GPRC5C: variants seen among roughly 807,000 people sequenced by gnomAD.
GPRC5C encodes G protein-coupled receptor class C group 5 member C, also known as G protein-coupled receptor family C group 5 member C.
GPRC5C carries 22 observed loss-of-function variants against 31.4 expected under a neutral mutation model. The ratio of observed to expected loss-of-function variants is 0.70; its 90% CI spans 0.50 to 1.00. The LOEUF (loss-of-function observed/expected upper bound fraction) is 1.00, where lower values mean the gene tolerates loss of function less well. Among genes scored for constraint, GPRC5C ranks in the 50% least tolerant of loss-of-function variants. The pLI is 0.00. For synonymous variants in GPRC5C, 249 were observed against 257.5 expected, an observed-to-expected ratio of 0.97 and a Z score of 0.32; for missense variants, 557 against 597.2, an observed-to-expected ratio of 0.93 and a Z score of 0.70.
chr17:74,445,992 C>CT (rs1555633989), intron 3 of GPRC5C: 1 of 9,884 alleles, frequency 1.0e-4, no homozygotes, highest in East Asian at 0.019. Context: ...GACCCCCCCC[C>CT]CCCGCCCACC....
chr17:74,443,415 G>T, intron 2 of GPRC5C: 2 of 359,012 alleles, frequency 5.6e-6, no homozygotes, highest in South Asian at 4.4e-5. Context: ...CAGCTGGCCC[G>T]TGGTGACAGG....
chr17:74,436,036 ACT>A lies in GPRC5C; in HGVS notation c.-32-3706_-32-3705del, dbSNP rs531258855. ...TCGATTGCCTGTGCATTTTTGCCAGACTCTTTTCCTAAAAGCGCAACCCTGGC... is the reference window on the plus strand; with the variant it reads ...TCGATTGCCTGTGCATTTTTGCCAGACTTTTCCTAAAAGCGCAACCCTGGC... On this transcript the variant is annotated intron_variant, in intron 1 of 3. Coordinates refer to ENST00000392627, the MANE Select transcript of GPRC5C (RefSeq NM_022036.4). Among the ~76,000 whole-genome samples the A allele has an allele frequency of 2.3e-3, 356 of 152,084 alleles. 1 individual carries two copies. The highest frequency in any genetic ancestry group is 0.01 in the Middle Eastern group (3 of 294).
intron 1 of GPRC5C, among the ~76,000 whole-genome samples, chr17:74,434,658 C>T (rs2055405291): frequency 6.6e-6 from 1 of 152,250 alleles, no homozygotes; most frequent in Non-Finnish European, 1.5e-5. Flanking sequence ...AACGGTGGCT[C>T]ACACTTGTAA....
rs8081065 is a variant in GPRC5C, at chr17:74,438,885, A to G, written c.-32-860A>G. Among the ~76,000 whole-genome samples, 1,488 of 152,322 alleles carry G rather than the reference A, an allele frequency of 9.8e-3. 19 individuals carry two copies. Among genetic ancestry groups the G allele is most frequent in the African/African-American group, 0.033 (1,356 of 41,550 alleles). On this transcript the variant is annotated intron_variant, in intron 1 of 3. Transcript: ENST00000392627. The stretch of plus-strand genomic sequence containing the variant: ...TTCTTCTCTGGCACAGATCTGTGGC[A>G]TTTGGTAGAGCGGCAGTCAGTAGAT...
In GPRC5C at chr17:74,447,051, G is replaced by A. The variant is rs778249251; in HGVS notation, c.*23G>A. 48 of 1,598,226 alleles carry A rather than the reference G, an allele frequency of 3.0e-5. No individual in the cohort carries two copies. The highest frequency in any genetic ancestry group is 5.4e-5 in the African/African-American group (4 of 74,612). ...TGAGTCAGCGGTGGCGAGGAGAGGC[G>A]GGCGGATTTGGGGAGGGCCCTGAGG... On this transcript the variant is annotated 3_prime_UTR_variant, in exon 4 of 4. Transcript: ENST00000392627.
downstream of GPRC5C, chr17:74,451,582 C>T (rs916304009): frequency 1.3e-5 from 2 of 152,176 alleles, no homozygotes; most frequent in Non-Finnish European, 2.9e-5. Flanking sequence ...CACTGTCAAA[C>T]CGAGGACTTT....
rs1282893850 is a variant in GPRC5C, at chr17:74,440,390, C to T, written c.614C>T (p.Ala205Val). 2.0e-5 allele frequency: 32 copies of T among 1,613,968 alleles called. No individual in the cohort carries two copies. The highest frequency in any genetic ancestry group is 2.6e-5 in the Non-Finnish European group (31 of 1,179,992). ...GCCGTGGCCTCCCCCTGTGCCATCG[C>T]CAACATGGACTTTGTCATGGCACTC... The part of the protein sequence containing the change: ...GWAVASPCAI[A>V]NMDFVMALIY... The change falls in exon 2 of 4, where the codon GCC (alanine) becomes GTC (valine). Residue 205 changes from alanine to valine, a missense_variant. Transcript: ENST00000392627. The surrounding 1 kb of genome is among the most constrained non-coding windows in gnomAD (Gnocchi z 4.4).
intron 1 of GPRC5C, among the ~76,000 whole-genome samples, chr17:74,438,281 TACAGAGTCTCA>T (rs2055472414): frequency 7.2e-6 from 1 of 138,892 alleles, no homozygotes; most frequent in Non-Finnish European, 1.5e-5. Flanking sequence ...TTTGTTTTCA[TACAGAGTCTCA>T]CTCTATTGAT....
chr17:74,445,586 T>G (rs1294707077), intron 3 of GPRC5C: 1 of 152,422 alleles, frequency 6.6e-6, no homozygotes, highest in African/African-American at 2.4e-5. Context: ...GGACCACAGA[T>G]GTAGATGTTC....
chr17:74,441,402 G>A (rs74889995), intron 2 of GPRC5C, among the ~76,000 whole-genome samples: 6,860 of 152,016 alleles, frequency 0.045, 247 homozygotes, highest in South Asian at 0.12. Context: ...AGTCCTACCC[G>A]TCCCATCCTG....
chr17:74,449,023 C>T (rs965854162), downstream of GPRC5C: 21 of 584,688 alleles, frequency 3.6e-5, no homozygotes, highest in Non-Finnish European at 4.9e-5. Flanking sequence ...AGGCCGGCCC[C>T]GGGGAGCCTG....
chr17:74,440,378 CCT>C lies in GPRC5C; in HGVS notation c.603_604del (p.Ala203HisfsTer37). The C allele has an allele frequency of 6.2e-7, 1 of 1,614,106 alleles. No homozygotes were observed. The highest frequency in any genetic ancestry group is 8.5e-7 in the Non-Finnish European group (1 of 1,180,002). On this transcript the variant is annotated frameshift_variant, in exon 2 of 4. Coordinates refer to ENST00000392627, the MANE Select transcript of GPRC5C (RefSeq NM_022036.4). LOFTEE classifies it high-confidence loss of function. This position sits in a 1 kb window ranked among gnomAD's most constrained non-coding sequence, Gnocchi z 4.4. ...AGCGCAGGCTGGGCCGTGGCCTCCC[CCT>C]GTGCCATCGCCAACATGGACTTTGT...
chr17:74,438,405 C>T lies in GPRC5C; in HGVS notation c.-32-1340C>T, dbSNP rs143537476. Among the ~76,000 whole-genome samples the T allele has an allele frequency of 3.0e-3, 451 of 151,646 alleles. 3 individuals are homozygous for T. Among genetic ancestry groups the T allele is most frequent in the African/African-American group, 0.011 (434 of 41,276 alleles). On this transcript the variant is annotated intron_variant, in intron 1 of 3. Coordinates refer to ENST00000392627, the MANE Select transcript of GPRC5C (RefSeq NM_022036.4). ...CCTCCTGAATAGCTGGTATTATAGG[C>T]GTGCACCTCCACGCCCGGCTAATTT...
chr17:74,449,365 T>A (rs1439233160), downstream of GPRC5C: 3 of 1,300,484 alleles, frequency 2.3e-6, no homozygotes, highest in Non-Finnish European at 2.0e-6. Flanking sequence ...AACGAGATGG[T>A]AGAAGCCCTC....
At chr17:74,434,985 C>T (rs546036945) in intron 1 of GPRC5C, among the ~76,000 whole-genome samples, 19 of 151,870 alleles carry the variant, frequency 1.3e-4, no homozygotes, top group African/African-American at 4.6e-4. Flanking sequence ...TTTGGGAGGC[C>T]GAAGCGGGCG....
rs1185020128 is a variant in GPRC5C at position 74,446,956 on chromosome 17, C to T, written c.1254C>T (p.Ser418=). 6.2e-7 allele frequency: 1 copy of T among 1,614,068 alleles called. No homozygotes were observed. The highest frequency in any genetic ancestry group is 2.2e-5 in the East Asian group (1 of 44,898). ...LRAEDMYSAQ[S]HQAATPPKDG... is the part of the protein sequence containing the mutation. ...CTGAAGACATGTACTCGGCCCAGAG[C>T]CACCAGGCGGCCACACCGCCGAAAG... Residue 418 remains serine (S), a synonymous_variant, in exon 4 of 4, where the codon AGC becomes AGT. Coordinates refer to ENST00000392627, the MANE Select transcript of GPRC5C (RefSeq NM_022036.4).
rs199736709 is a variant in GPRC5C, at chr17:74,440,368, G to A, written c.592G>A (p.Val198Met). 2.7e-4 allele frequency: 439 copies of A among 1,613,982 alleles called. No homozygotes were observed. The highest frequency in any genetic ancestry group is 4.3e-4 in the Admixed American group (26 of 59,996). The change falls in exon 2 of 4, where the codon GTG (valine) becomes ATG (methionine). Residue 198 changes from valine (V) to methionine (M), a missense_variant. Coordinates refer to ENST00000392627, the MANE Select transcript of GPRC5C (RefSeq NM_022036.4). The surrounding 1 kb of genome is among the most constrained non-coding windows in gnomAD (Gnocchi z 4.4). Reference sequence around the variant, plus strand: ...GGGCAACAGCAGCGCAGGCTGGGCCGTGGCCTCCCCCTGTGCCATCGCCAA... The same window carrying A: ...GGGCAACAGCAGCGCAGGCTGGGCCATGGCCTCCCCCTGTGCCATCGCCAA... Reference protein sequence around the residue: ...PQGNSSAGWAVASPCAIANMD... With the variant: ...PQGNSSAGWAMASPCAIANMD...
At chr17:74,441,161 C>G (rs1362693840) in intron 2 of GPRC5C, among the ~76,000 whole-genome samples, 1 of 152,006 alleles carries the variant, frequency 6.6e-6, no homozygotes, top group Non-Finnish European at 1.5e-5. Context: ...CCTGTGATCT[C>G]AGCTACTCGG....
chr17:74,449,739 C>T (rs1365494587), downstream of GPRC5C: 12 of 207,340 alleles, frequency 5.8e-5, no homozygotes, highest in East Asian at 1.0e-3. Flanking sequence ...CAACAGGCCT[C>T]AGTGCCCCGT....
Sources: allele counts gnomAD v4.1 joint callset (sites outside exome capture counted in the v4.1 genomes callset), GRCh38; gene constraint gnomAD v4.1.1; non-coding constraint Gnocchi (gnomAD v3.1); transcripts MANE v1.5; gene names NCBI Gene and HGNC (gene_info 2026-07-23, HGNC 2026-07-21).